Variants in APC observed in about 807,000 individuals in gnomAD.
APC encodes adenomatous polyposis coli protein.
Under a neutral mutation model 247.0 loss-of-function variants are expected in APC, and 72 were observed. The observed-to-expected ratio is 0.29, with a 90% CI of 0.24 to 0.35. APC has a LOEUF of 0.35. Ranked by LOEUF, APC falls within the 10% of genes least tolerant of loss-of-function variation. The probability of loss-of-function intolerance (pLI) is 1.00; values close to 1 mark genes in which losing one functional copy is unlikely to be tolerated. For missense variants in APC, 3,400 were observed against 3,360.7 expected (o/e 1.01, Z -0.29); for synonymous variants, 1,254 against 1,162.5 (o/e 1.08, Z -1.60).
chr5:112,779,416 T>A (rs1397553954), intron 5 of APC, among the ~76,000 whole-genome samples: 1 of 152,238 alleles, frequency 6.6e-6, no homozygotes, highest in African/African-American at 2.4e-5. Flanking sequence ...AAGTTAATTA[T>A]TCTCTACTAA....
chr5:112,787,533 T>C (rs543378759), intron 6 of APC, among the ~76,000 whole-genome samples: 4 of 152,366 alleles, frequency 2.6e-5, no homozygotes, highest in African/African-American at 9.6e-5. Context: ...TCTTAAACTT[T>C]GTATTTTCCT....
At chr5:112,710,861 T>G (rs1750808710) in intron 1 of APC, among the ~76,000 whole-genome samples, 1 of 152,208 alleles carries the variant, frequency 6.6e-6, no homozygotes, top group Non-Finnish European at 1.5e-5. Flanking sequence ...GGGTGGTGGT[T>G]AAAGAAATTA....
chr5:112,740,612 A>G (rs1752902697), intron 1 of APC, among the ~76,000 whole-genome samples: 2 of 148,250 alleles, frequency 1.3e-5, no homozygotes, highest in Admixed American at 1.4e-4. Context: ...TGCAGCTTCA[A>G]CCTCGCAGGC....
chr5:112,803,079 A>G (rs1761005195), intron 8 of APC, among the ~76,000 whole-genome samples: 1 of 152,188 alleles, frequency 6.6e-6, no homozygotes, highest in Non-Finnish European at 1.5e-5. Context: ...AATTAAAACT[A>G]AAGTCAGATT....
intron 1 of APC, among the ~76,000 whole-genome samples, chr5:112,721,107 T>TA (rs1391761373): frequency 4.6e-5 from 7 of 152,042 alleles, no homozygotes; most frequent in African/African-American, 1.7e-4. Flanking sequence ...GGGCAGGAGA[T>TA]ACATTTTAAA....
At chr5:112,734,493 T>G (rs774817596), upstream of APC, among the ~76,000 whole-genome samples, 23 of 152,134 alleles carry the variant, frequency 1.5e-4, no homozygotes, top group Non-Finnish European at 2.6e-4. Context: ...AAATTTATAC[T>G]AGTAACTGTT....
intron 5 of APC, chr5:112,778,059 T>C: frequency 4.8e-6 from 1 of 208,412 alleles, no homozygotes; most frequent in South Asian, 9.3e-5. Flanking sequence ...ATATCCCACT[T>C]TCCTATTCAC....
intron 6 of APC, among the ~76,000 whole-genome samples, chr5:112,784,324 T>TC (rs1172554913): frequency 1.3e-5 from 2 of 152,332 alleles, no homozygotes; most frequent in East Asian, 1.9e-4. Context: ...TGCCTTGACC[T>TC]CCCAAAGTGC....
chr5:112,778,462 A>C (rs943774009), intron 5 of APC: 5 of 150,836 alleles, frequency 3.3e-5, no homozygotes, highest in African/African-American at 1.2e-4. Context: ...GAAGTATTCT[A>C]TATTTAAAAA....
intron 6 of APC, among the ~76,000 whole-genome samples, chr5:112,790,773 G>A (rs967967360): frequency 6.6e-6 from 1 of 152,150 alleles, no homozygotes; most frequent in Admixed American, 6.5e-5. Context: ...TTTTATAACT[G>A]CATGTATTTA....
chr5:112,731,103 A>G (rs944579232), intron 1 of APC, among the ~76,000 whole-genome samples: 7 of 152,096 alleles, frequency 4.6e-5, no homozygotes, highest in Non-Finnish European at 8.8e-5. Flanking sequence ...AATTTTAATC[A>G]TCTTATAAAT....
chr5:112,720,491 C>T (rs945000976), intron 1 of APC, among the ~76,000 whole-genome samples: 5 of 152,202 alleles, frequency 3.3e-5, no homozygotes, highest in African/African-American at 9.7e-5. Context: ...CATTAAGTCT[C>T]TCATGAACCC....
chr5:112,725,726 A>G (rs930299051), intron 1 of APC, among the ~76,000 whole-genome samples: 1 of 152,176 alleles, frequency 6.6e-6, no homozygotes, highest in Admixed American at 6.5e-5. Flanking sequence ...ATGCCACTGC[A>G]TTCCAGCCTG....
intron 7 of APC, among the ~76,000 whole-genome samples, chr5:112,793,852 A>C (rs1045484503): frequency 6.6e-6 from 1 of 152,178 alleles, no homozygotes; most frequent in Non-Finnish European, 1.5e-5. Flanking sequence ...TCATGAGGAA[A>C]TTTCAAATCA....
At chr5:112,729,138 A>T (rs1054887910) in intron 1 of APC, among the ~76,000 whole-genome samples, 1 of 152,218 alleles carries the variant, frequency 6.6e-6, no homozygotes, top group African/African-American at 2.4e-5. Flanking sequence ...TGTCTTACTC[A>T]TTATTGTATC....
Position 112,827,977 on chromosome 5 carries a change from C to A in APC, c.1597C>A (p.Leu533Ile), listed in dbSNP as rs905180328. 2 of 1,613,000 alleles carry A rather than the reference C, an allele frequency of 1.2e-6. No individual in the cohort carries two copies. Among genetic ancestry groups the A allele is most frequent in the African/African-American group, 2.7e-5 (2 of 74,908 alleles). ...KGCMRALVAQ[L>I]KSESEDLQQV... ...CTGCATGAGAGCACTTGTGGCCCAACTAAAATCTGAAAGTGAAGACTTACA... is the reference window on the plus strand; with the variant it reads ...CTGCATGAGAGCACTTGTGGCCCAAATAAAATCTGAAAGTGAAGACTTACA... The change falls in exon 13 of 16, where the codon CTA becomes ATA. Residue 533 changes from leucine (L) to isoleucine (I), a missense_variant. By Grantham distance (5) the Leu-to-Ile change is conservative. Coordinates refer to ENST00000257430, the MANE Select transcript of APC (RefSeq NM_000038.6).
chr5:112,789,772 T>C (rs968224990), intron 6 of APC, among the ~76,000 whole-genome samples: 1 of 152,242 alleles, frequency 6.6e-6, no homozygotes, highest in Non-Finnish European at 1.5e-5. Flanking sequence ...GCAATATCTT[T>C]AGAAAACTAG....
Position 112,842,199 on chromosome 5 carries a change from A to C in APC, c.6605A>C (p.Lys2202Thr), listed in dbSNP as rs1554087564. Residue 2202 changes from lysine to threonine, a missense_variant, in exon 16 of 16, where the codon AAA (lysine) becomes ACA (threonine). Around this residue, in one of 9 missense-constraint regions of APC, gnomAD observed 1,788 missense variants for 1,649.5 expected, o/e 1.08. Coordinates refer to ENST00000257430, the MANE Select transcript of APC (RefSeq NM_000038.6). ...KKVYKSLITG[K>T]VRSNSEISGQ... ...GTTTATAAAAGTTTGATTACTGGAAAAGTTCGATCTAATTCAGAAATTTCA... is the reference window on the plus strand; with the variant it reads ...GTTTATAAAAGTTTGATTACTGGAACAGTTCGATCTAATTCAGAAATTTCA... 1.9e-6 allele frequency: 3 copies of C among 1,613,348 alleles called. No homozygotes were observed. The East Asian group carries it at 6.7e-5, about 36-fold the overall frequency.
At chr5:112,739,831 A>G (rs535716439) in intron 1 of APC, among the ~76,000 whole-genome samples, 2 of 152,346 alleles carry the variant, frequency 1.3e-5, no homozygotes, top group African/African-American at 4.8e-5. Flanking sequence ...TTCCATTAGC[A>G]TAGTGTTTGA....
Sources: allele counts gnomAD v4.1 joint callset (sites outside exome capture counted in the v4.1 genomes callset), GRCh38; gene constraint gnomAD v4.1.1; regional missense constraint gnomAD v4.1.1; transcripts MANE v1.5; gene names NCBI Gene and HGNC (gene_info 2026-07-23, HGNC 2026-07-21).